PIEZO2: variants seen among roughly 807,000 people sequenced by gnomAD.
PIEZO2 encodes the protein piezo type mechanosensitive ion channel component 2.
A neutral mutation model predicts 337.3 loss-of-function variants in PIEZO2; 172 were observed. The ratio of observed to expected loss-of-function variants is 0.51; its 90% CI spans 0.45 to 0.58. The LOEUF (loss-of-function observed/expected upper bound fraction) is 0.58. Ranked by LOEUF, PIEZO2 falls within the 20% of genes least tolerant of loss-of-function variation. The probability of loss-of-function intolerance (pLI) is 0.00; values close to 1 mark genes in which losing one functional copy is unlikely to be tolerated. For synonymous variants in PIEZO2, 1,251 were observed against 1,228.5 expected, an observed-to-expected ratio of 1.02 and a Z score of -0.38; for missense variants, 3,028 against 3,391.3, an observed-to-expected ratio of 0.89 and a Z score of 2.66.
In PIEZO2 at chr18:10,870,598, G is replaced by T. The variant is rs370232628; in HGVS notation, c.492+655C>A. Among the ~76,000 whole-genome samples, 11 of 151,422 alleles carry T rather than the reference G, an allele frequency of 7.3e-5. No homozygotes were observed. The highest frequency in any genetic ancestry group is 2.4e-4 in the African/African-American group (10 of 41,478). ...CTGGTCAGGGGGCAGCGTGAGAGCC[G>T]TCTGACAGCTCTGATACCCAAGGAC... On this transcript the variant is annotated intron_variant, in intron 5 of 55. Transcript: ENST00000674853. The surrounding 1 kb of genome is among the most constrained non-coding windows in gnomAD (Gnocchi z 5.3).
intron 1 of PIEZO2, among the ~76,000 whole-genome samples, chr18:11,074,793 A>G (rs1182212576): frequency 6.6e-6 from 1 of 152,250 alleles, no homozygotes; most frequent in Non-Finnish European, 1.5e-5. Context: ...TGCAATAGAT[A>G]TAGAATAATT....
chr18:10,752,571 C>G (rs1250302562), intron 28 of PIEZO2, 65 bp downstream of exon 28: 1 of 1,490,634 alleles, frequency 6.7e-7, no homozygotes, highest in African/African-American at 1.4e-5. Flanking sequence ...TTTTAATAAC[C>G]ACTGAGTGGA....
chr18:10,770,415 C>G, intron 20 of PIEZO2, 107 bp from the exon 21 acceptor site: 1 of 1,174,562 alleles, frequency 8.5e-7, no homozygotes, highest in Non-Finnish European at 1.2e-6. Context: ...AAAATAATTA[C>G]AGTGGATGAA....
At chr18:11,098,535 G>A (rs982453312) in intron 1 of PIEZO2, among the ~76,000 whole-genome samples, 28 of 149,252 alleles carry the variant, frequency 1.9e-4, no homozygotes, top group African/African-American at 6.7e-4. Flanking sequence ...GTGCACTACA[G>A]TTTAAATGTA....
At chr18:10,793,100 T>C (rs1393337568) in intron 13 of PIEZO2, among the ~76,000 whole-genome samples, 1 of 151,224 alleles carries the variant, frequency 6.6e-6, no homozygotes, top group East Asian at 1.9e-4. Context: ...CTAAAAAAAA[T>C]ACAAAAAAAT....
chr18:11,078,061 CA>C lies in PIEZO2; in HGVS notation c.65-11840del, dbSNP rs2038608432. ...CCACACACACCCACACACACACACA[CA>C]CACACCACACACACAAAAACAAACA... is the stretch of plus-strand genomic sequence containing the variant. On this transcript the variant is annotated intron_variant, in intron 1 of 55. Transcript: ENST00000674853. The surrounding 1 kb of genome is among the most constrained non-coding windows in gnomAD (Gnocchi z 5.3). Among the ~76,000 whole-genome samples the C allele has an allele frequency of 2.7e-5, 4 of 148,486 alleles. No homozygotes were observed. Among genetic ancestry groups the C allele is most frequent in the Admixed American group, 6.7e-5 (1 of 14,842 alleles).
rs1041707291 is a variant in PIEZO2, at chr18:11,143,845, G to T, written c.64+4680C>A. Among the ~76,000 whole-genome samples, 5 of 152,242 alleles carry T rather than the reference G, an allele frequency of 3.3e-5. No individual in the cohort carries two copies. In the East Asian group the frequency reaches 9.6e-4, roughly 29 times the overall value. Reference sequence around the variant, plus strand: ...TCTCTGCTCATCTTCATAAAGGTAAGGCAGCGCCTGCTGTGTGTCAGGCTT... The same window carrying T: ...TCTCTGCTCATCTTCATAAAGGTAATGCAGCGCCTGCTGTGTGTCAGGCTT... On this transcript the variant is annotated intron_variant, in intron 1 of 55. Transcript: ENST00000674853. This position sits in a 1 kb window ranked among gnomAD's most constrained non-coding sequence, Gnocchi z 4.9.
At position 10,821,918 on chromosome 18, in the gene PIEZO2, G is replaced by A. The variant is rs148258201; in HGVS notation, c.918-14644C>T. On this transcript the variant is annotated intron_variant, in intron 7 of 55. Transcript: ENST00000674853. This position sits in a 1 kb window ranked among gnomAD's most constrained non-coding sequence, Gnocchi z 4.2. The stretch of plus-strand genomic sequence containing the variant: ...AGAGTCATTGATTACAAATGCAATA[G>A]TGCTAGTATAAATTTGTCAGAGAAA... 7.2e-5 allele frequency among the ~76,000 whole-genome samples: 11 copies of A among 152,256 alleles called. No homozygotes were observed. Among genetic ancestry groups the A allele is most frequent in the African/African-American group, 2.6e-4 (11 of 41,546 alleles).
At chr18:10,885,936 C>G (rs1358426365) in intron 4 of PIEZO2, among the ~76,000 whole-genome samples, 3 of 151,940 alleles carry the variant, frequency 2.0e-5, no homozygotes, top group African/African-American at 7.3e-5. Context: ...CTATTCAAGT[C>G]AAGTACATAG....
intron 7 of PIEZO2, among the ~76,000 whole-genome samples, chr18:10,817,574 T>G (rs976437236): frequency 2.0e-5 from 3 of 152,222 alleles, no homozygotes; most frequent in African/African-American, 7.2e-5. Flanking sequence ...TTCCGTGGCC[T>G]CATTTTATTG....
At chr18:10,683,118 T>G (rs2034347800) in intron 49 of PIEZO2, among the ~76,000 whole-genome samples, 1 of 152,252 alleles carries the variant, frequency 6.6e-6, no homozygotes, top group African/African-American at 2.4e-5. Context: ...CCAAGCTACA[T>G]GCAGAACATG....
chr18:11,135,176 C>G (rs1470754679), intron 1 of PIEZO2, among the ~76,000 whole-genome samples: 1 of 152,030 alleles, frequency 6.6e-6, no homozygotes, highest in Non-Finnish European at 1.5e-5. Flanking sequence ...TCTCTTTGGG[C>G]AAGAGCCAAA....
At position 10,794,601 on chromosome 18, in the gene PIEZO2, T is replaced by C. The variant is rs563806098; in HGVS notation, c.1758+171A>G. Among the ~76,000 whole-genome samples, 1 of 152,330 alleles carries C rather than the reference T, an allele frequency of 6.6e-6. No homozygotes were observed. The highest frequency in any genetic ancestry group is 2.4e-5 in the African/African-American group (1 of 41,580). On this transcript the variant is annotated intron_variant, in intron 13 of 55. Coordinates refer to ENST00000674853, the MANE Select transcript of PIEZO2 (RefSeq NM_001378183.1). The surrounding 1 kb of genome is among the most constrained non-coding windows in gnomAD (Gnocchi z 6.6). ...GTGTAATATATGTTCATGTTTAAAT[T>C]ATAGAGGCCTCTAAGCACCGCAAAC... is the stretch of plus-strand genomic sequence containing the variant.
Position 10,815,149 on chromosome 18 carries a change from A to G in PIEZO2, c.918-7875T>C, listed in dbSNP as rs2040324441. On this transcript the variant is annotated intron_variant, in intron 7 of 55. Coordinates refer to ENST00000674853, the MANE Select transcript of PIEZO2 (RefSeq NM_001378183.1). The surrounding 1 kb of genome is among the most constrained non-coding windows in gnomAD (Gnocchi z 4.1). ...CTCTAATGGCATAAATCTAATGGCAACAAAACATGGGTCTTATTTTTAAAG... is the reference window on the plus strand; with the variant it reads ...CTCTAATGGCATAAATCTAATGGCAGCAAAACATGGGTCTTATTTTTAAAG... Among the ~76,000 whole-genome samples the G allele has an allele frequency of 6.6e-6, 1 of 152,226 alleles. No homozygotes were observed. Among genetic ancestry groups the G allele is most frequent in the Non-Finnish European group, 1.5e-5 (1 of 68,036 alleles).
At chr18:10,789,700 A>G (rs1007756155) in intron 14 of PIEZO2, among the ~76,000 whole-genome samples, 8 of 152,252 alleles carry the variant, frequency 5.3e-5, no homozygotes, top group Admixed American at 3.3e-4. Context: ...AAATGACTAT[A>G]TCAATTTCAA....
At chr18:10,901,901 C>G (rs1275326367) in intron 4 of PIEZO2, among the ~76,000 whole-genome samples, 2 of 149,048 alleles carry the variant, frequency 1.3e-5, no homozygotes, top group African/African-American at 5.0e-5. Context: ...GTCTCAGTGT[C>G]AACATATGCA....
chr18:10,974,693 C>A (rs116149960), intron 3 of PIEZO2, among the ~76,000 whole-genome samples: 314 of 152,316 alleles, frequency 2.1e-3, no homozygotes, highest in African/African-American at 7.2e-3. Flanking sequence ...CTCATTTGCC[C>A]TCTAGAGCCC....
chr18:10,925,627 T>C (rs1314952988), intron 3 of PIEZO2, among the ~76,000 whole-genome samples: 5 of 152,348 alleles, frequency 3.3e-5, no homozygotes, highest in African/African-American at 1.2e-4. Context: ...TCCCCCAGAC[T>C]GGAGTGCAGT....
intron 1 of PIEZO2, among the ~76,000 whole-genome samples, chr18:11,114,922 G>A (rs560670066): frequency 6.6e-6 from 1 of 152,272 alleles, no homozygotes; most frequent in South Asian, 2.1e-4. Flanking sequence ...CAACAGAGGA[G>A]CAATTTGTTT....
Sources: allele counts gnomAD v4.1 joint callset (sites outside exome capture counted in the v4.1 genomes callset), GRCh38; gene constraint gnomAD v4.1.1; non-coding constraint Gnocchi (gnomAD v3.1); transcripts MANE v1.5; gene names NCBI Gene and HGNC (gene_info 2026-07-23, HGNC 2026-07-21).